Variants in TMEM135 observed in about 807,000 individuals in gnomAD.
TMEM135 encodes the protein peroxisomal membrane protein 52.
A neutral mutation model predicts 60.3 loss-of-function variants in TMEM135; 30 were observed. The observed-to-expected ratio is 0.50, with a 90% CI of 0.37 to 0.68. The LOEUF is 0.68. Among genes scored for constraint, TMEM135 ranks in the 30% least tolerant of loss-of-function variants. The probability of loss-of-function intolerance (pLI) is 0.00; values close to 1 mark genes in which losing one functional copy is unlikely to be tolerated. For missense variants in TMEM135, 468 were observed against 548.8 expected, an observed-to-expected ratio of 0.85 and a Z score of 1.47; for synonymous variants, 190 against 186.7, an observed-to-expected ratio of 1.02 and a Z score of -0.14.
intron 6 of TMEM135, among the ~76,000 whole-genome samples, chr11:87,294,595 C>G (rs902182693): frequency 2.6e-5 from 4 of 152,162 alleles, no homozygotes; most frequent in African/African-American, 9.7e-5. Flanking sequence ...GTTGGTCAGG[C>G]TGGTCTTGAA....
Position 87,286,433 on chromosome 11 carries a change from C to T in TMEM135, c.510-9349C>T, listed in dbSNP as rs368201153. Among the ~76,000 whole-genome samples, 365 of 152,382 alleles carry T rather than the reference C, an allele frequency of 2.4e-3. 4 individuals carry two copies. The highest frequency in any genetic ancestry group is 3.1e-3 in the Non-Finnish European group (210 of 68,040). ...CATAAAAGTTCTCCAAGTCCCCACC[C>T]GACTCAGGAGCCCAGCTGGCTTCGC... On this transcript the variant is annotated intron_variant, in intron 6 of 14. Coordinates refer to ENST00000305494, the MANE Select transcript of TMEM135 (RefSeq NM_022918.4).
At chr11:87,266,838 G>A (rs1045283047) in intron 6 of TMEM135, among the ~76,000 whole-genome samples, 2 of 152,280 alleles carry the variant, frequency 1.3e-5, no homozygotes, top group East Asian at 3.9e-4. Context: ...AAAATGACAG[G>A]TTTACCTGGG....
intron 5 of TMEM135, among the ~76,000 whole-genome samples, chr11:87,172,013 C>G (rs1020167757): frequency 6.6e-6 from 1 of 152,092 alleles, no homozygotes; most frequent in South Asian, 2.1e-4. Context: ...AAGCCAGGGA[C>G]CAGTACCTGT....
chr11:87,227,748 ATACT>A (rs1210807254), intron 5 of TMEM135, among the ~76,000 whole-genome samples: 8 of 152,210 alleles, frequency 5.3e-5, no homozygotes, highest in African/African-American at 1.7e-4. Flanking sequence ...AATTATAATA[ATACT>A]TACTTGTTCA....
intron 6 of TMEM135, among the ~76,000 whole-genome samples, chr11:87,238,430 A>T (rs948939815): frequency 2.0e-5 from 3 of 152,056 alleles, no homozygotes; most frequent in Non-Finnish European, 4.4e-5. Context: ...GGTAGGGAGG[A>T]CTTGAACTGC....
chr11:87,263,681 G>A (rs187470119), intron 6 of TMEM135, among the ~76,000 whole-genome samples: 79 of 152,016 alleles, frequency 5.2e-4, no homozygotes, highest in Non-Finnish European at 1.0e-3. Flanking sequence ...AGAATCATAG[G>A]GTTTTAGAGT....
chr11:87,302,372 A>G lies in TMEM135; in HGVS notation c.628A>G (p.Arg210Gly). 6.2e-7 allele frequency: 1 copy of G among 1,613,950 alleles called. No homozygotes were observed. Among genetic ancestry groups the G allele is most frequent in the East Asian group, 2.2e-5 (1 of 44,804 alleles). Residue 210 changes from arginine (R) to glycine (G), a missense_variant, in exon 8 of 15, where the codon AGA becomes GGA. Transcript: ENST00000305494. ...AGCATATGCAAAAGTGGAACAAAAG[A>G]GAGAGCAACATGAGGAAAAACCCGG... ...EAAYAKVEQKREQHEEKPGRM... is the reference protein window; with the variant it reads ...EAAYAKVEQKGEQHEEKPGRM...
At chr11:87,159,148 T>A (rs891671043) in intron 5 of TMEM135, among the ~76,000 whole-genome samples, 3 of 152,198 alleles carry the variant, frequency 2.0e-5, no homozygotes, top group Admixed American at 2.0e-4. Context: ...TTATTAGGTG[T>A]TGTTCCATGT....
intron 5 of TMEM135, among the ~76,000 whole-genome samples, chr11:87,181,474 A>G (rs1939513778): frequency 6.6e-6 from 1 of 152,238 alleles, no homozygotes; most frequent in Non-Finnish European, 1.5e-5. Context: ...CATAATATTC[A>G]GTAAATTCCA....
intron 1 of TMEM135, among the ~76,000 whole-genome samples, chr11:87,066,602 A>G (rs1020359861): frequency 4.7e-5 from 2 of 42,444 alleles, no homozygotes; most frequent in African/African-American, 3.6e-4. Flanking sequence ...GTTCACCAAA[A>G]AAAAAAAAAA....
intron 1 of TMEM135, among the ~76,000 whole-genome samples, chr11:87,062,545 C>CTG (rs1456827514): frequency 6.7e-6 from 1 of 150,366 alleles, no homozygotes; most frequent in Non-Finnish European, 1.5e-5. Flanking sequence ...CTCACTGCAA[C>CTG]CTCCACCTCC....
chr11:87,174,906 A>G (rs74800976), intron 5 of TMEM135, among the ~76,000 whole-genome samples: 10,322 of 152,226 alleles, frequency 0.068, 501 homozygotes, highest in Non-Finnish European at 0.096. Context: ...TCCCAATCCT[A>G]TCTCTAATGT....
intron 6 of TMEM135, among the ~76,000 whole-genome samples, chr11:87,261,673 G>C (rs962568369): frequency 6.6e-6 from 1 of 152,080 alleles, no homozygotes; most frequent in East Asian, 1.9e-4. Context: ...TTACCCTGGA[G>C]TGCAGTGGCA....
At chr11:87,100,849 A>G (rs1403612635) in intron 4 of TMEM135, among the ~76,000 whole-genome samples, 2 of 152,120 alleles carry the variant, frequency 1.3e-5, no homozygotes, top group African/African-American at 4.8e-5. Flanking sequence ...GCAACAGAGC[A>G]ATACTGTCTC....
intron 4 of TMEM135, among the ~76,000 whole-genome samples, chr11:87,150,241 A>AGT (rs1938524444): frequency 6.6e-6 from 1 of 151,482 alleles, no homozygotes; most frequent in Admixed American, 6.6e-5. Flanking sequence ...AAAAAGAAAA[A>AGT]AAGTGAAATG....
At chr11:87,091,537 C>G in intron 4 of TMEM135, 142 bp downstream of exon 4, 1 of 798,216 alleles carries the variant, frequency 1.3e-6, no homozygotes. Flanking sequence ...ATTAAATGTT[C>G]AAAAAAGCCT....
intron 5 of TMEM135, among the ~76,000 whole-genome samples, chr11:87,204,870 T>C (rs552778039): frequency 6.6e-6 from 1 of 152,274 alleles, no homozygotes; most frequent in South Asian, 2.1e-4. Context: ...GGTCAACTTA[T>C]ATTACTTGTT....
chr11:87,111,538 C>T (rs1038965959), intron 4 of TMEM135, among the ~76,000 whole-genome samples: 1 of 151,180 alleles, frequency 6.6e-6, no homozygotes, highest in Non-Finnish European at 1.5e-5. Context: ...GTAGTCCCAG[C>T]TACTCGGGAG....
At chr11:87,073,846 T>G (rs1178826122) in intron 3 of TMEM135, among the ~76,000 whole-genome samples, 1 of 152,058 alleles carries the variant, frequency 6.6e-6, no homozygotes, top group Non-Finnish European at 1.5e-5. Context: ...TTTTGTATTT[T>G]TAGTAGAAAC....
Sources: allele counts gnomAD v4.1 joint callset (sites outside exome capture counted in the v4.1 genomes callset), GRCh38; gene constraint gnomAD v4.1.1; transcripts MANE v1.5; gene names NCBI Gene and HGNC (gene_info 2026-07-23, HGNC 2026-07-21).